AGBL1: variants seen among roughly 807,000 people sequenced by gnomAD.
AGBL1 encodes the protein cytosolic carboxypeptidase 4.
AGBL1 carries 130 observed loss-of-function variants against 118.9 expected under a neutral mutation model. That is an observed-to-expected ratio of 1.09 (90% CI 0.95 to 1.26). AGBL1 has a LOEUF of 1.26. Ranked by LOEUF, AGBL1 falls within the 50% of genes most tolerant of loss-of-function variation. The probability of loss-of-function intolerance (pLI) is 0.00; values close to 1 mark genes in which losing one functional copy is unlikely to be tolerated. For missense variants in AGBL1, 1,584 were observed against 1,298.1 expected, an observed-to-expected ratio of 1.22 and a Z score of -3.38; for synonymous variants, 555 against 478.9, an observed-to-expected ratio of 1.16 and a Z score of -2.08.
chr15:86,292,153 G>A (rs2079557696), intron 16 of AGBL1, among the ~76,000 whole-genome samples: 1 of 152,194 alleles, frequency 6.6e-6, no homozygotes, highest in Non-Finnish European at 1.5e-5. Context: ...CTTTGAAGAT[G>A]TGATTAGAGA....
At chr15:87,019,024 AGAAGG>A (rs2081635498) in intron 24 of AGBL1, among the ~76,000 whole-genome samples, 5 of 152,188 alleles carry the variant, frequency 3.3e-5, no homozygotes, top group Admixed American at 2.0e-4. Context: ...AAAAAGACAA[AGAAGG>A]GCATTACATA....
intron 5 of AGBL1, among the ~76,000 whole-genome samples, chr15:86,166,600 C>G (rs978213035): frequency 6.6e-6 from 1 of 152,172 alleles, no homozygotes; most frequent in Non-Finnish European, 1.5e-5. Flanking sequence ...GTTCTCTAAT[C>G]CCCTGTCACC....
intron 18 of AGBL1, among the ~76,000 whole-genome samples, chr15:86,513,537 T>C (rs1467156162): frequency 6.6e-6 from 1 of 152,098 alleles, no homozygotes; most frequent in Non-Finnish European, 1.5e-5. Context: ...AGTAAGTGTC[T>C]TGTGGGGAGA....
At chr15:86,545,195 G>C (rs2083563008) in intron 19 of AGBL1, among the ~76,000 whole-genome samples, 1 of 152,168 alleles carries the variant, frequency 6.6e-6, no homozygotes, top group Non-Finnish European at 1.5e-5. Flanking sequence ...CTGGATCCTA[G>C]AATGAAGAAA....
At chr15:86,587,636 G>A (rs1403916004) in intron 21 of AGBL1, among the ~76,000 whole-genome samples, 1 of 152,180 alleles carries the variant, frequency 6.6e-6, no homozygotes, top group Non-Finnish European at 1.5e-5. Flanking sequence ...TCAGTTTAGA[G>A]CAGTGAGGGT....
At chr15:86,304,648 C>T in intron 17 of AGBL1, among the ~76,000 whole-genome samples, 1 of 152,132 alleles carries the variant, frequency 6.6e-6, no homozygotes, top group East Asian at 1.9e-4. Flanking sequence ...GGACCTTTAA[C>T]CTCTCTTGGA....
At position 86,910,167 on chromosome 15, in the gene AGBL1, A is replaced by T. The variant is rs1567235121; in HGVS notation, c.*2873A>T. The T allele has an allele frequency of 6.6e-6, 1 of 152,258 alleles. No homozygotes were observed. The allele number at this position is 152,258 out of a possible 1,614,324, so 9.4% of individuals were successfully genotyped here. A position where few individuals can be genotyped will look rare whatever the true frequency, so the allele number is the denominator to read the frequency against. On this transcript the variant is annotated 3_prime_UTR_variant, in exon 23 of 23. Transcript: ENST00000614907. ...GCAGTTGTGGTAAAAGTCTACCAAAAGAAGGTCATAATTTGGGTGATTCTT... is the reference window on the plus strand; with the variant it reads ...GCAGTTGTGGTAAAAGTCTACCAAATGAAGGTCATAATTTGGGTGATTCTT...
chr15:86,123,563 G>A (rs951072832), intron 1 of AGBL1, among the ~76,000 whole-genome samples: 2 of 152,122 alleles, frequency 1.3e-5, no homozygotes, highest in Non-Finnish European at 2.9e-5. Flanking sequence ...TCTTAACTAA[G>A]TCATTCCTTT....
At chr15:86,644,179 G>T (rs1282685112) in intron 21 of AGBL1, among the ~76,000 whole-genome samples, 1 of 151,838 alleles carries the variant, frequency 6.6e-6, no homozygotes, top group Non-Finnish European at 1.5e-5. Flanking sequence ...GTGAAAGTAG[G>T]GAATTAAAGC....
chr15:86,117,605 G>A (rs538239193), intron 1 of AGBL1, among the ~76,000 whole-genome samples: 1 of 152,266 alleles, frequency 6.6e-6, no homozygotes, highest in South Asian at 2.1e-4. Context: ...TGCATATCAA[G>A]CAATGTATAA....
chr15:86,128,051 A>G (rs893398795), intron 1 of AGBL1, among the ~76,000 whole-genome samples: 1 of 151,896 alleles, frequency 6.6e-6, no homozygotes, highest in African/African-American at 2.4e-5. Context: ...CATTATCTTA[A>G]CTCACCTGTA....
At chr15:86,669,289 T>C (rs1420992151) in intron 21 of AGBL1, among the ~76,000 whole-genome samples, 1 of 152,056 alleles carries the variant, frequency 6.6e-6, no homozygotes. Context: ...TTGAGATGAA[T>C]GAGTTTACAA....
At chr15:86,552,862 G>GT (rs1321821521) in intron 20 of AGBL1, among the ~76,000 whole-genome samples, 1 of 151,998 alleles carries the variant, frequency 6.6e-6, no homozygotes, top group Non-Finnish European at 1.5e-5. Flanking sequence ...TTAGATGATT[G>GT]TAAGTCTGGA....
intron 3 of AGBL1, among the ~76,000 whole-genome samples, chr15:86,145,118 G>A (rs1004407077): frequency 6.6e-6 from 1 of 152,022 alleles, no homozygotes; most frequent in Non-Finnish European, 1.5e-5. Context: ...TTTGTGTAAG[G>A]ACATCAGTCA....
chr15:86,241,188 A>G lies in AGBL1; in HGVS notation c.527-6483A>G, dbSNP rs79640843. On this transcript the variant is annotated intron_variant, in intron 6 of 22. Coordinates refer to ENST00000614907, the MANE Select transcript of AGBL1 (RefSeq NM_001386094.1). ...TGGGGTGAGAAGTCAACTACATGCCATGGGGATTGAAGAAAATGGTTATAA... is the reference window on the plus strand; with the variant it reads ...TGGGGTGAGAAGTCAACTACATGCCGTGGGGATTGAAGAAAATGGTTATAA... Among the ~76,000 whole-genome samples the G allele has an allele frequency of 4.6e-3, 702 of 152,304 alleles. 6 individuals carry two copies. Among genetic ancestry groups the G allele is most frequent in the African/African-American group, 0.016 (666 of 41,570 alleles).
At chr15:87,022,369 G>C (rs2081674401) in intron 24 of AGBL1, among the ~76,000 whole-genome samples, 1 of 151,990 alleles carries the variant, frequency 6.6e-6, no homozygotes, top group South Asian at 2.1e-4. Context: ...AAGCTAATCA[G>C]AGACGTCTTT....
At chr15:86,179,232 C>A (rs1286047875) in intron 5 of AGBL1, among the ~76,000 whole-genome samples, 1 of 152,156 alleles carries the variant, frequency 6.6e-6, no homozygotes, top group Admixed American at 6.5e-5. Flanking sequence ...ATAGAAAGGC[C>A]ATTTTCTTTG....
chr15:86,240,555 G>T (rs2078625458), intron 6 of AGBL1, among the ~76,000 whole-genome samples: 1 of 152,142 alleles, frequency 6.6e-6, no homozygotes, highest in African/African-American at 2.4e-5. Flanking sequence ...TTGGGATCAG[G>T]CAAGTTTTGC....
rs180758636 is a variant in AGBL1 at position 87,012,295 on chromosome 15, A to C, written c.3324-16530A>C. Among the ~76,000 whole-genome samples, 19 of 152,126 alleles carry C rather than the reference A, an allele frequency of 1.2e-4. No individual in the cohort carries two copies. In the East Asian group the frequency reaches 3.7e-3, roughly 29 times the overall value. Reference sequence around the variant, plus strand: ...AAAAAAATCCAACAAGAATGTAGTAACATAAAGCTAATTCCTTGATTTTTC... The same window carrying C: ...AAAAAAATCCAACAAGAATGTAGTACCATAAAGCTAATTCCTTGATTTTTC... On this transcript the variant is annotated intron_variant, in intron 24 of 24. Coordinates refer to the AGBL1 transcript ENST00000441037.
Sources: allele counts gnomAD v4.1 joint callset (sites outside exome capture counted in the v4.1 genomes callset), GRCh38; gene constraint gnomAD v4.1.1; transcripts MANE v1.5; gene names NCBI Gene and HGNC (gene_info 2026-07-23, HGNC 2026-07-21).